The following XNDC1N variants were observed in gnomAD, a reference collection of about 807,000 sequenced individuals.
XNDC1N encodes the protein XRCC1 N-terminal domain containing 1, N-terminal like, also known as protein XNDC1N.
At chr11:71,873,879 A>G in the XNDC1N span, among the ~76,000 whole-genome samples, 1 of 152,242 alleles carries the variant, frequency 6.6e-6, no homozygotes, top group Admixed American at 6.5e-5. Flanking sequence ...CATTTTAGAA[A>G]CATATCTCTG....
chr11:71,894,125 A>G, the XNDC1N span: 2 of 502,526 alleles, frequency 4.0e-6, no homozygotes, highest in East Asian at 1.4e-4. Context: ...GTGTCTTACT[A>G]TAAAATCGTC....
chr11:71,917,760 C>T, the XNDC1N span: 11 of 703,118 alleles, frequency 1.6e-5, no homozygotes, highest in Middle Eastern at 2.3e-4. Context: ...TTTGCAGGAA[C>T]GCACAGCCAC....
the XNDC1N span, chr11:71,914,502 C>T: frequency 2.5e-6 from 1 of 393,250 alleles, no homozygotes; most frequent in Non-Finnish European, 5.0e-6. Context: ...GCCTGGTCAA[C>T]ATGGTGAAAC....
At chr11:71,878,479 A>G in the XNDC1N span, 1 of 1,611,578 alleles carries the variant, frequency 6.2e-7, no homozygotes, top group Non-Finnish European at 8.5e-7. Flanking sequence ...TTGTCTTTGG[A>G]GTCCTTTCCT....
At chr11:71,917,725 G>A in the XNDC1N span, 17 of 703,074 alleles carry the variant, frequency 2.4e-5, no homozygotes, top group South Asian at 2.5e-4. Context: ...TCTGTCCAGG[G>A]GCCAGGAAGA....
At chr11:71,917,944 CA>C in the XNDC1N span, among the ~76,000 whole-genome samples, 5,468 of 152,280 alleles carry the variant, frequency 0.036, 90 homozygotes, top group East Asian at 0.079. Context: ...AATGAGACTC[CA>C]GTCCACCAAA....
At chr11:71,913,870 C>T in the XNDC1N span, among the ~76,000 whole-genome samples, 2 of 152,162 alleles carry the variant, frequency 1.3e-5, no homozygotes, top group African/African-American at 4.8e-5. Flanking sequence ...GCTGAATCTA[C>T]TCTGCCTGTG....
the XNDC1N span, chr11:71,917,798 A>C: frequency 1.4e-6 from 1 of 702,902 alleles, no homozygotes; most frequent in South Asian, 1.5e-5. Flanking sequence ...AGGTTGAGAG[A>C]AGGATAAGAG....
chr11:71,894,046 G>T, the XNDC1N span: 1 of 593,354 alleles, frequency 1.7e-6, no homozygotes, highest in Admixed American at 2.5e-5. Context: ...TTCTGACAGC[G>T]TCATCAATAG....
chr11:71,878,708 C>G, the XNDC1N span, among the ~76,000 whole-genome samples: 1 of 152,004 alleles, frequency 6.6e-6, no homozygotes, highest in Admixed American at 6.6e-5. Flanking sequence ...GATAAACTCA[C>G]TTGAGGCCAG....
chr11:71,928,172 G>T, the XNDC1N span: 1 of 449,892 alleles, frequency 2.2e-6, no homozygotes, highest in South Asian at 2.8e-5. Context: ...TGGCATGACA[G>T]CCTAAGTAAG....
the XNDC1N span, chr11:71,914,279 G>A: frequency 4.4e-6 from 2 of 456,086 alleles, no homozygotes; most frequent in African/African-American, 2.0e-5. Flanking sequence ...GTGATTCATG[G>A]GAGGAGGTCA....
the XNDC1N span, chr11:71,884,252 A>G: frequency 1.2e-6 from 1 of 831,460 alleles, no homozygotes; most frequent in Non-Finnish European, 1.7e-6. Context: ...GTCTTTATTC[A>G]GCATCTCCAC....
chr11:71,867,089 C>T, the XNDC1N span, among the ~76,000 whole-genome samples: 2 of 151,694 alleles, frequency 1.3e-5, no homozygotes, highest in African/African-American at 4.9e-5. Flanking sequence ...AGTATGACAC[C>T]CAATGATAGA....
At chr11:71,918,855 C>A in the XNDC1N span, 1 of 700,934 alleles carries the variant, frequency 1.4e-6, no homozygotes. Flanking sequence ...TGTGTTCTTC[C>A]TCAAGGTTCC....
At chr11:71,906,903 T>C in the XNDC1N span, among the ~76,000 whole-genome samples, 1 of 152,130 alleles carries the variant, frequency 6.6e-6, no homozygotes, top group Non-Finnish European at 1.5e-5. Context: ...GAGTGATATC[T>C]TATAAGGGTA....
At chr11:71,902,189 C>CTTTTTGT in the XNDC1N span, among the ~76,000 whole-genome samples, 2 of 152,202 alleles carry the variant, frequency 1.3e-5, no homozygotes, top group East Asian at 3.9e-4. Flanking sequence ...TTACTTGATT[C>CTTTTTGT]TTTTTGTTTT....
the XNDC1N span, among the ~76,000 whole-genome samples, chr11:71,900,268 C>A: frequency 6.6e-6 from 1 of 152,218 alleles, no homozygotes; most frequent in Non-Finnish European, 1.5e-5. Context: ...CGCCGGTCCC[C>A]TGGGCTCACT....
the XNDC1N span, among the ~76,000 whole-genome samples, chr11:71,909,216 C>T: frequency 6.6e-6 from 1 of 151,972 alleles, no homozygotes; most frequent in Non-Finnish European, 1.5e-5. Context: ...AATAGCTAGC[C>T]AGGTGTTTGT....
Sources: allele counts gnomAD v4.1 joint callset (sites outside exome capture counted in the v4.1 genomes callset), GRCh38; gene constraint gnomAD v4.1.1; transcripts MANE v1.5; gene names NCBI Gene and HGNC (gene_info 2026-07-23, HGNC 2026-07-21).